The following NTN1 variants were observed in gnomAD, a reference collection of about 807,000 sequenced individuals.
NTN1 encodes netrin-1.
In NTN1, 11 loss-of-function variants were observed where a neutral mutation model predicts 54.2. The ratio of observed to expected loss-of-function variants is 0.20; its 90% CI spans 0.13 to 0.34. The LOEUF is 0.34. NTN1 is among the 10% of genes least tolerant of loss of function. The pLI, the probability that NTN1 is intolerant of heterozygous loss-of-function variation, is 1.00. For synonymous variants in NTN1, 371 were observed against 382.0 expected (o/e 0.97, Z 0.33); for missense variants, 740 against 893.1 (o/e 0.83, Z 2.18).
At chr17:9,074,118 C>T (rs12452924) in intron 2 of NTN1, among the ~76,000 whole-genome samples, 4,571 of 152,232 alleles carry the variant, frequency 0.03, 308 homozygotes, top group East Asian at 0.25. Flanking sequence ...CAAGAGGGCA[C>T]CAGTTAGGCA....
intron 2 of NTN1, among the ~76,000 whole-genome samples, chr17:9,108,929 T>A (rs1002162039): frequency 7.2e-5 from 11 of 152,152 alleles, no homozygotes; most frequent in Admixed American, 7.2e-4. Flanking sequence ...TAGGCTGGAG[T>A]GCAGTGGTGT....
At chr17:9,096,441 G>A (rs1169629873) in intron 2 of NTN1, among the ~76,000 whole-genome samples, 1 of 127,918 alleles carries the variant, frequency 7.8e-6, no homozygotes, top group African/African-American at 2.9e-5. Context: ...CACAATCTCG[G>A]CTCACTGCAA....
At chr17:9,207,823 G>T (rs1173713396) in intron 5 of NTN1, among the ~76,000 whole-genome samples, 1 of 152,218 alleles carries the variant, frequency 6.6e-6, no homozygotes, top group East Asian at 1.9e-4. Context: ...CCATTTTTCA[G>T]ATATTAGCTG....
intron 2 of NTN1, among the ~76,000 whole-genome samples, chr17:9,034,739 A>T (rs1302449575): frequency 6.6e-6 from 1 of 151,702 alleles, no homozygotes; most frequent in Non-Finnish European, 1.5e-5. Context: ...TTCTTAAGTA[A>T]ACTTCTTTAT....
chr17:9,226,369 G>GC (rs1415122477), intron 6 of NTN1, among the ~76,000 whole-genome samples: 2 of 151,894 alleles, frequency 1.3e-5, no homozygotes, highest in South Asian at 2.1e-4. Flanking sequence ...CCCTGGCTGT[G>GC]CCCCCCGCCC....
intron 2 of NTN1, among the ~76,000 whole-genome samples, chr17:9,072,254 T>G (rs1415745909): frequency 6.6e-6 from 1 of 151,572 alleles, no homozygotes; most frequent in Non-Finnish European, 1.5e-5. Flanking sequence ...TGCTGTTTTT[T>G]TTTTTTTTTT....
Position 9,136,312 on chromosome 17 carries a change from G to A in NTN1, c.1019-26501G>A, listed in dbSNP as rs142438475. Among the ~76,000 whole-genome samples, 16 of 152,334 alleles carry A rather than the reference G, an allele frequency of 1.1e-4. No homozygotes were observed. In the East Asian group the frequency reaches 2.9e-3, roughly 28 times the overall value. On this transcript the variant is annotated intron_variant, in intron 2 of 6. Transcript: ENST00000173229. ...AGTGTGGCTGAGTGTGGTGGCTCAC[G>A]CCTGTAATCCCAGCATTTTGGGAGG...
At chr17:9,150,807 G>GA (rs917305081) in intron 2 of NTN1, among the ~76,000 whole-genome samples, 1 of 152,140 alleles carries the variant, frequency 6.6e-6, no homozygotes, top group African/African-American at 2.4e-5. Flanking sequence ...AAAGTCAGTG[G>GA]AAAAAATGAC....
rs562426266 is a variant in NTN1 at position 9,221,009 on chromosome 17, C to T, written c.1412-159C>T. 1.7e-3 allele frequency among the ~76,000 whole-genome samples: 263 copies of T among 152,150 alleles called. No homozygotes were observed. Among genetic ancestry groups the T allele is most frequent in the African/African-American group, 6.1e-3 (252 of 41,492 alleles). On this transcript the variant is annotated intron_variant, in intron 5 of 6. Coordinates refer to ENST00000173229, the MANE Select transcript of NTN1 (RefSeq NM_004822.3). This position sits in a 1 kb window ranked among gnomAD's most constrained non-coding sequence, Gnocchi z 4.5. ...TTTGTCCCTCAGGCCTCTTTAGAAG[C>T]GCAGGCCTTTCCTGAATGGCCGCCT...
chr17:9,132,733 G>A (rs2092269631), intron 2 of NTN1, among the ~76,000 whole-genome samples: 1 of 152,126 alleles, frequency 6.6e-6, no homozygotes, highest in Admixed American at 6.5e-5. Context: ...AATTAGCCAG[G>A]TGCAGTGACA....
chr17:9,056,757 A>T (rs2177787), intron 2 of NTN1, among the ~76,000 whole-genome samples: 123,268 of 152,130 alleles, frequency 0.81, 51,257 homozygotes, highest in East Asian at 1. Flanking sequence ...TGGCCTGGGT[A>T]GTGATGTGAG....
At chr17:9,081,870 T>C (rs1360269246) in intron 2 of NTN1, among the ~76,000 whole-genome samples, 1 of 152,166 alleles carries the variant, frequency 6.6e-6, no homozygotes, top group African/African-American at 2.4e-5. Context: ...TAACCTTACA[T>C]AAGGCCTGGA....
At chr17:9,087,969 C>A (rs1167365882) in intron 2 of NTN1, among the ~76,000 whole-genome samples, 1 of 152,212 alleles carries the variant, frequency 6.6e-6, no homozygotes, top group African/African-American at 2.4e-5. Context: ...AACCCCAATT[C>A]GACCAGGAGG....
the NTN1 span, among the ~76,000 whole-genome samples, chr17:9,014,670 T>G: frequency 7.2e-5 from 11 of 152,222 alleles, no homozygotes; most frequent in African/African-American, 2.7e-4. Context: ...ATCCTCCTGG[T>G]CACCTCTGCC....
intron 3 of NTN1, among the ~76,000 whole-genome samples, chr17:9,177,980 A>C (rs9893036): frequency 0.022 from 3,297 of 152,308 alleles, 120 homozygotes; most frequent in African/African-American, 0.072. Context: ...AGATCACCTG[A>C]GGTCAGGAGT....
At chr17:9,218,187 G>A (rs953368408) in intron 5 of NTN1, among the ~76,000 whole-genome samples, 1 of 152,228 alleles carries the variant, frequency 6.6e-6, no homozygotes, top group Non-Finnish European at 1.5e-5. Flanking sequence ...CCCAGGCATC[G>A]TGATGCCACT....
chr17:9,197,675 AAGG>A (rs1301120097), intron 5 of NTN1, among the ~76,000 whole-genome samples: 2 of 139,442 alleles, frequency 1.4e-5, no homozygotes, highest in Admixed American at 1.4e-4. Flanking sequence ...AAAAAAAAAG[AAGG>A]AAGAAAAAGA....
chr17:9,210,875 C>T (rs770881485), intron 5 of NTN1, among the ~76,000 whole-genome samples: 1 of 127,896 alleles, frequency 7.8e-6, no homozygotes, highest in African/African-American at 3.1e-5. Context: ...CACTGCACTC[C>T]AGCTTGGGCT....
chr17:9,175,038 A>G (rs2092396438), intron 3 of NTN1: 1 of 152,330 alleles, frequency 6.6e-6, no homozygotes, highest in African/African-American at 2.4e-5. Context: ...CCCTGGAGCC[A>G]GAGTCCTCAG....
Sources: allele counts gnomAD v4.1 joint callset (sites outside exome capture counted in the v4.1 genomes callset), GRCh38; gene constraint gnomAD v4.1.1; non-coding constraint Gnocchi (gnomAD v3.1); transcripts MANE v1.5; gene names NCBI Gene and HGNC (gene_info 2026-07-23, HGNC 2026-07-21).